The following DLGAP1 variants were observed in gnomAD, a reference collection of about 807,000 sequenced individuals.
The protein encoded by DLGAP1 is disks large-associated protein 1.
DLGAP1 carries 11 observed loss-of-function variants against 90.8 expected under a neutral mutation model. That is an observed-to-expected ratio of 0.12 (90% CI 0.08 to 0.20). DLGAP1 has a LOEUF of 0.20. Among genes scored for constraint, DLGAP1 ranks in the 10% least tolerant of loss-of-function variants. The probability of loss-of-function intolerance (pLI) is 1.00; values close to 1 mark genes in which losing one functional copy is unlikely to be tolerated. For synonymous variants in DLGAP1, 558 were observed against 540.7 expected (o/e 1.03, Z -0.44); for missense variants, 1,050 against 1,333.8 (o/e 0.79, Z 3.31).
At chr18:4,369,001 C>T (rs2081851795) in intron 1 of DLGAP1, among the ~76,000 whole-genome samples, 1 of 152,068 alleles carries the variant, frequency 6.6e-6, no homozygotes, top group African/African-American at 2.4e-5. Context: ...GCAAGTTTAA[C>T]CGACACAGCT....
At chr18:4,233,973 CATG>C (rs201527962) in intron 1 of DLGAP1, among the ~76,000 whole-genome samples, 2,608 of 152,124 alleles carry the variant, frequency 0.017, 34 homozygotes, top group Non-Finnish European at 0.024. Flanking sequence ...TTTTGAGAAG[CATG>C]ATTTCAATAT....
intron 3 of DLGAP1, among the ~76,000 whole-genome samples, chr18:3,980,997 C>T (rs2073716740): frequency 6.6e-6 from 1 of 152,150 alleles, no homozygotes; most frequent in South Asian, 2.1e-4. Context: ...GCCCTAAGGT[C>T]ACTTTTTAAA....
intron 5 of DLGAP1, among the ~76,000 whole-genome samples, chr18:3,772,183 T>TTCCTTCCTTTCTTTCTC (rs201348572): frequency 1.6e-3 from 230 of 144,522 alleles, no homozygotes; most frequent in African/African-American, 6.1e-3. Context: ...CTTTCTCTCC[T>TTCCTTCCTTTCTTTCTC]TCCTTCCTTT....
intron 1 of DLGAP1, among the ~76,000 whole-genome samples, chr18:4,279,075 A>AATGGTTAC (rs1352020822): frequency 6.6e-6 from 1 of 152,250 alleles, no homozygotes; most frequent in Non-Finnish European, 1.5e-5. Flanking sequence ...CTGCAAAGGC[A>AATGGTTAC]ATGGTTACAT....
Position 4,454,390 on chromosome 18 carries a change from C to A in DLGAP1, c.-267+616G>T, listed in dbSNP as rs1338797977. 6.6e-6 allele frequency among the ~76,000 whole-genome samples: 1 copy of A among 150,636 alleles called. No individual in the cohort carries two copies. Among genetic ancestry groups the A allele is most frequent in the African/African-American group, 2.4e-5 (1 of 41,096 alleles). ...GCAGGGGGCGACTCTCCAGTGACCT[C>A]CTCCTTGGACCCCATTTCTCTCTCT... On this transcript the variant is annotated intron_variant, in intron 1 of 12. Transcript: ENST00000315677. The surrounding 1 kb of genome is among the most constrained non-coding windows in gnomAD (Gnocchi z 4.7).
At chr18:4,365,635 T>C (rs2081746553) in intron 1 of DLGAP1, among the ~76,000 whole-genome samples, 1 of 152,154 alleles carries the variant, frequency 6.6e-6, no homozygotes, top group Non-Finnish European at 1.5e-5. Context: ...GATATGTGTA[T>C]GTACCACAAA....
At chr18:4,135,319 G>C (rs865819243) in intron 2 of DLGAP1, among the ~76,000 whole-genome samples, 1 of 151,970 alleles carries the variant, frequency 6.6e-6, no homozygotes, top group Non-Finnish European at 1.5e-5. Flanking sequence ...GGAAATAAAG[G>C]GTTTGATGTG....
chr18:4,315,347 T>A (rs1189015158), intron 1 of DLGAP1, among the ~76,000 whole-genome samples: 1 of 152,222 alleles, frequency 6.6e-6, no homozygotes, highest in Non-Finnish European at 1.5e-5. Flanking sequence ...ACAGGCTGCA[T>A]GTTATTATCT....
intron 1 of DLGAP1, among the ~76,000 whole-genome samples, chr18:4,268,008 A>G (rs752460063): frequency 6.6e-6 from 1 of 152,228 alleles, no homozygotes; most frequent in Non-Finnish European, 1.5e-5. Context: ...GGACAAGATC[A>G]CACAAAGGTG....
At chr18:3,721,755 C>T (rs1034366861) in intron 7 of DLGAP1, 1 of 152,126 alleles carries the variant, frequency 6.6e-6, no homozygotes, top group Non-Finnish European at 1.5e-5. Flanking sequence ...TCAGATTATA[C>T]CATAGTTTCC....
chr18:3,600,851 T>TATAGAGATATATAG lies in DLGAP1; in HGVS notation c.1592-18604_1592-18603insCTATATATCTCTAT, dbSNP rs2056919410. On this transcript the variant is annotated intron_variant, in intron 7 of 12. Coordinates refer to ENST00000315677, the MANE Select transcript of DLGAP1 (RefSeq NM_004746.4). ...AGATATATATAGATATATATAGATA[T>TATAGAGATATATAG]ATAGATATATATAGATATATAGATA... 4.3e-5 allele frequency among the ~76,000 whole-genome samples: 3 copies of TATAGAGATATATAG among 69,518 alleles called. 1 individual carries two copies. Among genetic ancestry groups the TATAGAGATATATAG allele is most frequent in the African/African-American group, 2.0e-4 (3 of 14,914 alleles). 45.6% of individuals were successfully genotyped at this position (69,518 alleles called of 152,430 possible).
chr18:4,308,515 G>A (rs942071276), intron 1 of DLGAP1, among the ~76,000 whole-genome samples: 2 of 152,008 alleles, frequency 1.3e-5, no homozygotes, highest in Non-Finnish European at 2.9e-5. Context: ...CTCCAATTAT[G>A]GAAAGAATTA....
In DLGAP1 at chr18:4,378,212, G is replaced by A. The variant is rs2082052175; in HGVS notation, c.-267+76794C>T. ...CTATACGGAAGACTACTGAATGGGG[G>A]AGGTGTGGAATGGGGAAGCCAGGAA... is the stretch of plus-strand genomic sequence containing the variant. On this transcript the variant is annotated intron_variant, in intron 1 of 12. Transcript: ENST00000315677. The surrounding 1 kb of genome is among the most constrained non-coding windows in gnomAD (Gnocchi z 4.5). Among the ~76,000 whole-genome samples, 1 of 151,230 alleles carries A rather than the reference G, an allele frequency of 6.6e-6. No individual in the cohort carries two copies. The highest frequency in any genetic ancestry group is 1.5e-5 in the Non-Finnish European group (1 of 67,808).
intron 1 of DLGAP1, among the ~76,000 whole-genome samples, chr18:4,354,776 C>T (rs2081471591): frequency 6.6e-6 from 1 of 151,220 alleles, no homozygotes; most frequent in Non-Finnish European, 1.5e-5. Context: ...CATGTCTCAA[C>T]AGCCACTCAT....
chr18:4,378,192 C>T lies in DLGAP1; in HGVS notation c.-267+76814G>A, dbSNP rs1006690701. Among the ~76,000 whole-genome samples the T allele has an allele frequency of 5.3e-5, 8 of 150,520 alleles. No homozygotes were observed. The highest frequency in any genetic ancestry group is 2.0e-4 in the Admixed American group (3 of 15,066). Reference sequence around the variant, plus strand: ...ATACTACAAACTATGGTTATCTATACGGAAGACTACTGAATGGGGGAGGTG... The same window carrying T: ...ATACTACAAACTATGGTTATCTATATGGAAGACTACTGAATGGGGGAGGTG... On this transcript the variant is annotated intron_variant, in intron 1 of 12. Transcript: ENST00000315677. The surrounding 1 kb of genome is among the most constrained non-coding windows in gnomAD (Gnocchi z 4.5).
intron 1 of DLGAP1, among the ~76,000 whole-genome samples, chr18:4,187,827 T>C (rs897169777): frequency 6.6e-6 from 1 of 151,990 alleles, no homozygotes; most frequent in South Asian, 2.1e-4. Context: ...TGAAACTCTG[T>C]CTCTATTAAA....
rs147062270 is a variant in DLGAP1 at position 4,401,180 on chromosome 18, G to A, written c.-267+53826C>T. ...AAAGTTTCATTTATTTCAGTTAGAG[G>A]TGGAGCCAAACCAATTCCTATTATA... On this transcript the variant is annotated intron_variant, in intron 1 of 12. Transcript: ENST00000315677. Among the ~76,000 whole-genome samples, 13 of 152,274 alleles carry A rather than the reference G, an allele frequency of 8.5e-5. No individual in the cohort carries two copies. The East Asian group carries it at 2.5e-3, about 29-fold the overall frequency.
Position 4,265,103 on chromosome 18 carries a change from T to TTTCCTTCCTTCCTTCCTTCC in DLGAP1, c.-266-113836_-266-113817dup, listed in dbSNP as rs150589333. Among the ~76,000 whole-genome samples, 331 of 139,700 alleles carry TTTCCTTCCTTCCTTCCTTCC rather than the reference T, an allele frequency of 2.4e-3. 3 individuals are homozygous for TTTCCTTCCTTCCTTCCTTCC. Among genetic ancestry groups the TTTCCTTCCTTCCTTCCTTCC allele is most frequent in the African/African-American group, 8.4e-3 (305 of 36,356 alleles). 91.6% of individuals were successfully genotyped at this position (139,700 alleles called of 152,430 possible). A position where few individuals can be genotyped will look rare whatever the true frequency, so the allele number is the denominator to read the frequency against. ...AAATCTTAATCATATTAATGTAATT[T>TTTCCTTCCTTCCTTCCTTCC]TTCCTTCCTTCCTTCCTTCCTTCCT... On this transcript the variant is annotated intron_variant, in intron 1 of 12. Coordinates refer to ENST00000315677, the MANE Select transcript of DLGAP1 (RefSeq NM_004746.4).
intron 2 of DLGAP1, among the ~76,000 whole-genome samples, chr18:4,030,274 A>G (rs2074774229): frequency 6.6e-6 from 1 of 152,232 alleles, no homozygotes; most frequent in Admixed American, 6.5e-5. Flanking sequence ...TGTCTTATTC[A>G]TGACTGTATT....
Sources: gnomAD v4.1 joint callset for allele counts (sites outside exome capture counted in the v4.1 genomes callset) on GRCh38, gnomAD v4.1.1 for gene constraint, Gnocchi (gnomAD v3.1) non-coding constraint, MANE v1.5 for transcripts, NCBI Gene and HGNC (gene_info 2026-07-23, HGNC 2026-07-21) for gene names.